The following MYRFL variants were observed in gnomAD, a reference collection of about 807,000 sequenced individuals.
MYRFL encodes myelin regulatory factor-like protein.
A neutral mutation model predicts 109.4 loss-of-function variants in MYRFL; 88 were observed. That is an observed-to-expected ratio of 0.80 (90% CI 0.68 to 0.96). MYRFL has a LOEUF of 0.96. MYRFL is among the 40% of genes least tolerant of loss of function. The probability of loss-of-function intolerance (pLI) is 0.00; values close to 1 mark genes in which losing one functional copy is unlikely to be tolerated. For synonymous variants in MYRFL, 324 were observed against 320.9 expected (o/e 1.01, Z -0.10); for missense variants, 957 against 954.9 (o/e 1.00, Z -0.03).
intron 6 of MYRFL, among the ~76,000 whole-genome samples, chr12:69,889,885 CTTCAGATTTGGGATT>C (rs1479882907): frequency 6.6e-6 from 1 of 151,904 alleles, no homozygotes; most frequent in Non-Finnish European, 1.5e-5. Context: ...TCTTGGAGCA[CTTCAGATTTGGGATT>C]TTCAGATTTG....
chr12:69,942,657 TTCAACATAGTGTTGG>T (rs1955697584), intron 19 of MYRFL, among the ~76,000 whole-genome samples: 1 of 151,556 alleles, frequency 6.6e-6, no homozygotes, highest in Admixed American at 6.6e-5. Flanking sequence ...ACCAGTCCTA[TTCAACATAGTGTTGG>T]AAGTTCTGGC....
intron 19 of MYRFL, among the ~76,000 whole-genome samples, chr12:69,944,880 TAAA>T (rs1444378011): frequency 3.3e-5 from 5 of 152,080 alleles, no homozygotes; most frequent in African/African-American, 7.2e-5. Context: ...AGTATAATTT[TAAA>T]AAAGTGATGG....
chr12:69,932,446 C>T lies in MYRFL; in HGVS notation c.1831-67C>T, dbSNP rs1955300242. 4 of 1,088,130 alleles carry T rather than the reference C, an allele frequency of 3.7e-6. No individual in the cohort carries two copies. The East Asian group carries it at 1.0e-4, about 28-fold the overall frequency. 67.4% of individuals were successfully genotyped at this position (1,088,130 alleles called of 1,614,324 possible). A position where few individuals can be genotyped will look rare whatever the true frequency, so the allele number is the denominator to read the frequency against. On this transcript the variant is annotated intron_variant, in intron 15 of 24. Coordinates refer to ENST00000552032, the MANE Select transcript of MYRFL (RefSeq NM_182530.3). ...GCAAATACCCCTGCTGGGAGCAGTTCTCCAGGCTCCCTTCTCACAGTTAGA... is the reference window on the plus strand; with the variant it reads ...GCAAATACCCCTGCTGGGAGCAGTTTTCCAGGCTCCCTTCTCACAGTTAGA...
At chr12:69,949,835 T>C (rs933348065) in intron 19 of MYRFL, among the ~76,000 whole-genome samples, 2 of 152,136 alleles carry the variant, frequency 1.3e-5, no homozygotes, top group African/African-American at 4.8e-5. Context: ...AATAGCAAAA[T>C]TGTGGACTCT....
At chr12:69,896,093 T>C (rs1039281006) in intron 9 of MYRFL, among the ~76,000 whole-genome samples, 2 of 152,120 alleles carry the variant, frequency 1.3e-5, no homozygotes, top group Admixed American at 1.3e-4. Flanking sequence ...AGAACATAGG[T>C]TTTGGAGTTG....
chr12:69,864,654 CACACACACACACACAA>C (rs1345419342), intron 2 of MYRFL, among the ~76,000 whole-genome samples: 1,065 of 36,514 alleles, frequency 0.029, 16 homozygotes, highest in African/African-American at 0.067. Flanking sequence ...CACACACACA[CACACACACACACACAA>C]ACACACACAC....
chr12:69,932,803 T>C (rs1027446728), intron 16 of MYRFL, among the ~76,000 whole-genome samples: 7 of 152,204 alleles, frequency 4.6e-5, no homozygotes, highest in Middle Eastern at 3.4e-3. Context: ...CTTTCTGCCT[T>C]AAATGTGACA....
chr12:69,911,124 G>C (rs1224435941), intron 13 of MYRFL, among the ~76,000 whole-genome samples, 194 bp downstream of exon 13: 1 of 152,128 alleles, frequency 6.6e-6, no homozygotes, highest in Non-Finnish European at 1.5e-5. Flanking sequence ...CCAAAAAGAA[G>C]TTCCATATGA....
intron 11 of MYRFL, among the ~76,000 whole-genome samples, chr12:69,906,286 G>A (rs1370470797): frequency 3.9e-5 from 6 of 152,134 alleles, no homozygotes; most frequent in Admixed American, 6.5e-5. Context: ...AGATATGACC[G>A]AAACCTCTGC....
chr12:69,876,532 T>C (rs73136812), intron 2 of MYRFL, among the ~76,000 whole-genome samples: 7,765 of 152,290 alleles, frequency 0.051, 280 homozygotes, highest in Non-Finnish European at 0.074. Context: ...TTATCTGGTT[T>C]TGTTCTCTGT....
chr12:69,935,957 T>A, intron 16 of MYRFL, 156 bp from the exon 17 acceptor site: 1 of 785,352 alleles, frequency 1.3e-6, no homozygotes, highest in Non-Finnish European at 2.0e-6. Flanking sequence ...CTGGTTTCCA[T>A]GGTGTTTCTG....
At chr12:69,923,301 T>C (rs573808479) in intron 13 of MYRFL, among the ~76,000 whole-genome samples, 22 of 152,346 alleles carry the variant, frequency 1.4e-4, no homozygotes, top group Admixed American at 1.4e-3. Flanking sequence ...GGAAAAGTAC[T>C]CAAAATCTGG....
At chr12:69,833,156 T>G (rs1405024136) in intron 1 of MYRFL, among the ~76,000 whole-genome samples, 2 of 152,042 alleles carry the variant, frequency 1.3e-5, no homozygotes, top group Non-Finnish European at 2.9e-5. Flanking sequence ...TTAAAGCCCC[T>G]GAGACTAAGT....
rs1031285503 is a variant in MYRFL at position 69,948,946 on chromosome 12, G to T, written c.2225-3167G>T. Among the ~76,000 whole-genome samples the T allele has an allele frequency of 2.6e-5, 4 of 152,102 alleles. No homozygotes were observed. In the East Asian group the frequency reaches 7.7e-4, roughly 29 times the overall value. On this transcript the variant is annotated intron_variant, in intron 19 of 24. Coordinates refer to ENST00000552032, the MANE Select transcript of MYRFL (RefSeq NM_182530.3). ...AGGAAAGTTTTTTGGAGGTTAAATT[G>T]GTCTTCCCTCTTCTTTTCCTTACTC...
chr12:69,940,022 A>G (rs1955595495), intron 19 of MYRFL, among the ~76,000 whole-genome samples: 1 of 151,564 alleles, frequency 6.6e-6, no homozygotes, highest in South Asian at 2.1e-4. Flanking sequence ...AAAAGAAATG[A>G]GCAAAGCCTC....
chr12:69,917,383 C>CTTTTTTTTTTTTTTTTTTTTTTTTT (rs56118035), intron 13 of MYRFL, among the ~76,000 whole-genome samples: 1 of 102,514 alleles, frequency 9.8e-6, no homozygotes. Context: ...TATTCACTGA[C>CTTTTTTTTTTTTTTTTTTTTTTTTT]TTTTTTTTTT....
At chr12:69,864,402 G>A (rs1490620749) in intron 2 of MYRFL, among the ~76,000 whole-genome samples, 1 of 151,470 alleles carries the variant, frequency 6.6e-6, no homozygotes, top group Non-Finnish European at 1.5e-5. Context: ...TAAGTTCACT[G>A]ACTCTCCTCT....
intron 19 of MYRFL, 81 bp downstream of exon 19, chr12:69,936,713 T>A: frequency 7.9e-7 from 1 of 1,271,146 alleles, no homozygotes; most frequent in Non-Finnish European, 1.0e-6. Flanking sequence ...AGATGGTCAT[T>A]AATGGTTCCA....
At chr12:69,856,028 A>T (rs997925223) in intron 2 of MYRFL, among the ~76,000 whole-genome samples, 1 of 152,138 alleles carries the variant, frequency 6.6e-6, no homozygotes, top group African/African-American at 2.4e-5. Flanking sequence ...AACCACTACC[A>T]TTATCATAAC....
Sources: gnomAD v4.1 joint callset for allele counts (sites outside exome capture counted in the v4.1 genomes callset) on GRCh38, gnomAD v4.1.1 for gene constraint, MANE v1.5 for transcripts, NCBI Gene and HGNC (gene_info 2026-07-23, HGNC 2026-07-21) for gene names.